Variants in MECOM observed in about 807,000 individuals in gnomAD.
MECOM encodes the protein MDS1 and EVI1 complex locus, also known as histone-lysine N-methyltransferase MECOM.
A neutral mutation model predicts 116.3 loss-of-function variants in MECOM; 13 were observed. The observed-to-expected ratio is 0.11, with a 90% CI of 0.07 to 0.18. The LOEUF (loss-of-function observed/expected upper bound fraction) is 0.18. Ranked by LOEUF, MECOM falls within the 10% of genes least tolerant of loss-of-function variation. The pLI, the probability that MECOM is intolerant of heterozygous loss-of-function variation, is 1.00. For synonymous variants in MECOM, 528 were observed against 535.2 expected (o/e 0.99, Z 0.19); for missense variants, 1,299 against 1,509.0 (o/e 0.86, Z 2.31).
chr3:169,476,231 T>G (rs1750349246), intron 1 of MECOM, among the ~76,000 whole-genome samples: 1 of 152,230 alleles, frequency 6.6e-6, no homozygotes, highest in Non-Finnish European at 1.5e-5. Flanking sequence ...TTGTTTAATT[T>G]TGATGTCTTC....
At chr3:169,455,464 C>T (rs1746319006) in intron 1 of MECOM, among the ~76,000 whole-genome samples, 1 of 152,102 alleles carries the variant, frequency 6.6e-6, no homozygotes, top group Non-Finnish European at 1.5e-5. Flanking sequence ...ACAAGTGGTT[C>T]CTATTAAAGG....
At chr3:169,139,758 G>T (rs1737531928) in intron 3 of MECOM, among the ~76,000 whole-genome samples, 1 of 151,932 alleles carries the variant, frequency 6.6e-6, no homozygotes, top group African/African-American at 2.4e-5. Flanking sequence ...GGGGTCTATG[G>T]GTAGGTAGCC....
At chr3:169,178,315 A>C (rs188899373) in intron 2 of MECOM, among the ~76,000 whole-genome samples, 1 of 152,356 alleles carries the variant, frequency 6.6e-6, no homozygotes, top group Admixed American at 6.5e-5. Context: ...GAGCTTTATC[A>C]TGAACACAGT....
At chr3:169,267,163 C>T (rs1297594311) in intron 2 of MECOM, among the ~76,000 whole-genome samples, 1 of 152,206 alleles carries the variant, frequency 6.6e-6, no homozygotes, top group Non-Finnish European at 1.5e-5. Context: ...GATACTACAG[C>T]AGGAAGTTAG....
intron 2 of MECOM, chr3:169,147,415 A>G (rs1248998528): frequency 4.1e-6 from 4 of 985,348 alleles, no homozygotes; most frequent in Admixed American, 6.1e-5. Context: ...TCGGCCATCC[A>G]GAAAGAACCC....
intron 1 of MECOM, among the ~76,000 whole-genome samples, chr3:169,515,905 A>AT (rs1024082003): frequency 1.6e-4 from 24 of 150,992 alleles, no homozygotes; most frequent in African/African-American, 5.6e-4. Context: ...TCAAATACCA[A>AT]TTTTTTTATT....
chr3:169,346,637 G>T (rs1430022047), intron 2 of MECOM, among the ~76,000 whole-genome samples: 3 of 151,168 alleles, frequency 2.0e-5, no homozygotes, highest in Non-Finnish European at 4.4e-5. Context: ...ACAATTTAAA[G>T]AATAAAAAAA....
intron 2 of MECOM, among the ~76,000 whole-genome samples, chr3:169,232,478 T>G (rs1211970604): frequency 6.6e-6 from 1 of 151,786 alleles, no homozygotes; most frequent in African/African-American, 2.4e-5. Context: ...ATCAAAGAAC[T>G]TATGTATTGC....
At chr3:169,486,788 A>G (rs1412748488) in intron 1 of MECOM, among the ~76,000 whole-genome samples, 1 of 152,078 alleles carries the variant, frequency 6.6e-6, no homozygotes, top group African/African-American at 2.4e-5. Flanking sequence ...GCTCTACAAG[A>G]TTTTCTCAGA....
At chr3:169,471,822 T>C (rs1465512867) in intron 1 of MECOM, among the ~76,000 whole-genome samples, 1 of 152,226 alleles carries the variant, frequency 6.6e-6, no homozygotes, top group Non-Finnish European at 1.5e-5. Flanking sequence ...TTTCCATTTA[T>C]ACAATTCACT....
chr3:169,087,452 C>G (rs1272915668), intron 16 of MECOM, among the ~76,000 whole-genome samples: 1 of 151,820 alleles, frequency 6.6e-6, no homozygotes, highest in Non-Finnish European at 1.5e-5. Context: ...GAAAAATTAG[C>G]CTGGCATAGT....
intron 1 of MECOM, among the ~76,000 whole-genome samples, chr3:169,623,170 C>T (rs1309146446): frequency 6.6e-6 from 1 of 152,202 alleles, no homozygotes; most frequent in East Asian, 1.9e-4. Flanking sequence ...TTTGCATTCT[C>T]AACACCTGCT....
chr3:169,356,584 A>T (rs1180836082), intron 2 of MECOM, among the ~76,000 whole-genome samples: 2 of 151,840 alleles, frequency 1.3e-5, no homozygotes, highest in Admixed American at 1.3e-4. Context: ...GTCAGTTCTG[A>T]CATGTCATCT....
intron 2 of MECOM, among the ~76,000 whole-genome samples, chr3:169,378,664 CA>C (rs1182020358): frequency 6.6e-6 from 1 of 151,450 alleles, no homozygotes; most frequent in Non-Finnish European, 1.5e-5. Flanking sequence ...AGAAATGTGT[CA>C]AAATGACACA....
chr3:169,268,125 T>C (rs1758531749), intron 2 of MECOM, among the ~76,000 whole-genome samples: 1 of 152,164 alleles, frequency 6.6e-6, no homozygotes, highest in Non-Finnish European at 1.5e-5. Flanking sequence ...CCATCTACAA[T>C]GTCCTTTACC....
intron 1 of MECOM, chr3:169,566,147 A>G: frequency 4.0e-6 from 1 of 252,538 alleles, no homozygotes; most frequent in Non-Finnish European, 8.1e-6. Context: ...AACAGCATGG[A>G]GGAAACCACC....
intron 2 of MECOM, among the ~76,000 whole-genome samples, chr3:169,368,062 G>GT (rs1412943941): frequency 2.6e-5 from 4 of 152,028 alleles, no homozygotes; most frequent in Non-Finnish European, 5.9e-5. Flanking sequence ...TAAAGACGTA[G>GT]TTTTTGGTGT....
intron 1 of MECOM, among the ~76,000 whole-genome samples, chr3:169,610,461 A>G (rs891443150): frequency 2.4e-4 from 37 of 151,978 alleles, no homozygotes; most frequent in African/African-American, 8.7e-4. Context: ...AATCCTTGAA[A>G]CAACTCTGTA....
intron 9 of MECOM, among the ~76,000 whole-genome samples, chr3:169,108,248 C>T (rs1280257436): frequency 6.6e-6 from 1 of 152,154 alleles, no homozygotes; most frequent in South Asian, 2.1e-4. Flanking sequence ...TTAACTACTA[C>T]TTGCTATAAA....
Sources: gnomAD v4.1 joint callset for allele counts (sites outside exome capture counted in the v4.1 genomes callset) on GRCh38, gnomAD v4.1.1 for gene constraint, MANE v1.5 for transcripts, NCBI Gene and HGNC (gene_info 2026-07-23, HGNC 2026-07-21) for gene names.